Variants in TENM1 observed in about 807,000 individuals in gnomAD.
The protein encoded by TENM1 is teneurin-1.
In TENM1, 35 loss-of-function variants were observed where a neutral mutation model predicts 174.8. That is an observed-to-expected ratio of 0.20 (90% CI 0.15 to 0.27). The LOEUF is 0.27. TENM1 is among the 10% of genes least tolerant of loss of function. The pLI is 1.00. For synonymous variants in TENM1, 781 were observed against 798.7 expected, an observed-to-expected ratio of 0.98 and a Z score of 0.37; for missense variants, 1,633 against 2,130.1, an observed-to-expected ratio of 0.77 and a Z score of 4.59.
Position 124,894,291 on chromosome X carries a change from C to T in TENM1, c.535+5G>A. 1.7e-6 allele frequency: 2 copies of T among 1,196,943 alleles called. No homozygotes were observed. Among genetic ancestry groups the T allele is most frequent in the East Asian group, 6.0e-5 (2 of 33,397 alleles). Reference sequence around the variant, plus strand: ...ATTTGTGATCAAATATTTGAAAACACTTGCCTTGAGTAGACCCAGCTTGAG... The same window carrying T: ...ATTTGTGATCAAATATTTGAAAACATTTGCCTTGAGTAGACCCAGCTTGAG... On this transcript the variant is annotated splice_donor_5th_base_variant and intron_variant, in intron 3 of 31. Coordinates refer to ENST00000422452, the Ensembl canonical transcript of TENM1.
chrX:124,954,840 G>A (rs2058546391), intron 1 of TENM1, among the ~76,000 whole-genome samples: 1 of 111,836 alleles, frequency 8.9e-6, no homozygotes, highest in Admixed American at 9.5e-5. Context: ...GCTCTAGATA[G>A]GCATGTGCAA....
chrX:124,470,354 G>T (rs2061285825), intron 22 of TENM1, among the ~76,000 whole-genome samples: 1 of 111,118 alleles, frequency 9.0e-6, no homozygotes, highest in East Asian at 2.8e-4. Flanking sequence ...AAGAAGCAGG[G>T]TGAGGAGTAA....
At chrX:124,993,746 T>C in the TENM1 span, among the ~76,000 whole-genome samples, 1 of 111,197 alleles carries the variant, frequency 9.0e-6, no homozygotes, top group Non-Finnish European at 1.9e-5. Flanking sequence ...AAAACATTCA[T>C]TAAGTGAAAA....
chrX:124,540,350 A>G (rs180788563), intron 15 of TENM1, among the ~76,000 whole-genome samples: 2 of 112,216 alleles, frequency 1.8e-5, no homozygotes, highest in East Asian at 5.6e-4. Flanking sequence ...TATCTCTTCT[A>G]TCTCTTTCTG....
the TENM1 span, among the ~76,000 whole-genome samples, chrX:125,182,002 A>G: frequency 4.5e-5 from 5 of 111,767 alleles, no homozygotes; most frequent in African/African-American, 1.6e-4. Context: ...AATTGACAGC[A>G]TAAAACAACA....
At chrX:124,930,865 T>C (rs1269405556) in intron 1 of TENM1, among the ~76,000 whole-genome samples, 3 of 112,018 alleles carry the variant, frequency 2.7e-5, no homozygotes, top group Non-Finnish European at 5.6e-5. Flanking sequence ...TTAGACTGGA[T>C]TTTTCCTTAG....
chrX:125,128,606 C>A, the TENM1 span, among the ~76,000 whole-genome samples: 1 of 111,174 alleles, frequency 9.0e-6, no homozygotes, highest in Non-Finnish European at 1.9e-5. Flanking sequence ...TCCTTATTTT[C>A]TTTTCCCATT....
chrX:124,463,406 T>C (rs941460985), intron 22 of TENM1, among the ~76,000 whole-genome samples: 3 of 111,975 alleles, frequency 2.7e-5, no homozygotes, highest in Non-Finnish European at 5.6e-5. Flanking sequence ...TAGTTATTGC[T>C]ATAATTCTTT....
rs148891377 is a variant in TENM1 at position 124,796,094 on chromosome X, C to G, written c.536-58897G>C. On this transcript the variant is annotated intron_variant, in intron 3 of 31. Coordinates refer to ENST00000422452, the Ensembl canonical transcript of TENM1. ...TAGCTTTCATTTTGATCCATGCCAT[C>G]ACATTCAAAGAGGATTTTCTTTTTA... 5.7e-3 allele frequency among the ~76,000 whole-genome samples: 628 copies of G among 111,140 alleles called. 4 individuals carry two copies. Among genetic ancestry groups the G allele is most frequent in the African/African-American group, 0.019 (589 of 30,683 alleles).
At chrX:124,644,400 G>C (rs1352960452) in intron 10 of TENM1, among the ~76,000 whole-genome samples, 1 of 108,727 alleles carries the variant, frequency 9.2e-6, no homozygotes, top group African/African-American at 3.3e-5. Flanking sequence ...CCTCTTTCCC[G>C]AACAACAGTT....
the TENM1 span, among the ~76,000 whole-genome samples, chrX:125,086,395 A>G: frequency 9.0e-6 from 1 of 110,992 alleles, no homozygotes. Context: ...CTATAAACCT[A>G]TAATCAACTA....
Position 124,962,272 on chromosome X carries a change from T to TA in TENM1, c.217+1264dup, listed in dbSNP as rs763092252. ...GATGTGATCATTGAAGCCATCTGAG[T>TA]AAAAATATTTCGGGGTTCAAGCAGT... On this transcript the variant is annotated intron_variant, in intron 1 of 31. Transcript: ENST00000422452. Among the ~76,000 whole-genome samples the TA allele has an allele frequency of 1.4e-4, 16 of 111,568 alleles. No homozygotes were observed. In the South Asian group the frequency reaches 6.1e-3, roughly 42 times the overall value.
chrX:125,010,812 T>TA, the TENM1 span, among the ~76,000 whole-genome samples: 481 of 64,331 alleles, frequency 7.5e-3, 1 homozygote, highest in African/African-American at 0.012. Flanking sequence ...AGACTCCGTC[T>TA]AAAAAAAAAA....
the TENM1 span, among the ~76,000 whole-genome samples, chrX:124,992,784 T>TTA: frequency 8.9e-6 from 1 of 111,876 alleles, no homozygotes; most frequent in Non-Finnish European, 1.9e-5. Flanking sequence ...TATTGTCAAG[T>TTA]TATATATATA....
At chrX:124,980,544 G>C in the TENM1 span, among the ~76,000 whole-genome samples, 1 of 110,552 alleles carries the variant, frequency 9.0e-6, no homozygotes, top group Non-Finnish European at 1.9e-5. Context: ...AATAGTTTTG[G>C]ATAGTATCTG....
chrX:124,869,783 A>G (rs2057075000), intron 3 of TENM1, among the ~76,000 whole-genome samples: 1 of 105,693 alleles, frequency 9.5e-6, no homozygotes, highest in Non-Finnish European at 1.9e-5. Flanking sequence ...AAATAATTGA[A>G]CTCGCAGACA....
intron 4 of TENM1, among the ~76,000 whole-genome samples, chrX:124,731,238 C>T (rs2053558814): frequency 8.9e-6 from 1 of 111,732 alleles, no homozygotes; most frequent in South Asian, 3.8e-4. Context: ...GAGAGACATG[C>T]AACCCATGAA....
the TENM1 span, among the ~76,000 whole-genome samples, chrX:125,087,838 A>G: frequency 4.5e-5 from 5 of 111,601 alleles, no homozygotes; most frequent in Non-Finnish European, 9.5e-5. Context: ...ATATATATAA[A>G]TGATTGAATA....
At chrX:124,542,768 T>G (rs190004436) in intron 15 of TENM1, among the ~76,000 whole-genome samples, 53 of 111,302 alleles carry the variant, frequency 4.8e-4, no homozygotes, top group African/African-American at 1.6e-3. Context: ...AGGAGTTTAT[T>G]AGCCTAAGGT....
Sources: gnomAD v4.1 joint callset for allele counts (sites outside exome capture counted in the v4.1 genomes callset) on GRCh38, gnomAD v4.1.1 for gene constraint, MANE v1.5 for transcripts, NCBI Gene and HGNC (gene_info 2026-07-23, HGNC 2026-07-21) for gene names.